Variants in AAK1 observed in about 807,000 individuals in gnomAD.
The protein encoded by AAK1 is AP2 associated kinase 1.
AAK1 carries 37 observed loss-of-function variants against 116.0 expected under a neutral mutation model. The ratio of observed to expected loss-of-function variants is 0.32; its 90% confidence interval spans 0.25 to 0.42. The LOEUF is 0.42. Ranked by LOEUF, AAK1 falls within the 10% of genes least tolerant of loss-of-function variation. The probability of loss-of-function intolerance (pLI) is 1.00; values close to 1 mark genes in which losing one functional copy is unlikely to be tolerated. For missense variants in AAK1, 919 were observed against 1,170.6 expected, an observed-to-expected ratio of 0.79 and a Z score of 3.14; for synonymous variants, 458 against 439.9, an observed-to-expected ratio of 1.04 and a Z score of -0.51.
chr2:69,458,229 T>TG lies in AAK1; in HGVS notation c.*17639dup, dbSNP rs1674260072. 6.6e-6 allele frequency: 1 copy of TG among 152,248 alleles called. No homozygotes were observed. Among genetic ancestry groups the TG allele is most frequent in the Admixed American group, 6.5e-5 (1 of 15,288 alleles). The allele number at this position is 152,248 out of a possible 1,614,324, so 9.4% of individuals were successfully genotyped here. On this transcript the variant is annotated 3_prime_UTR_variant, in exon 22 of 22. Coordinates refer to ENST00000409085, the MANE Select transcript of AAK1 (RefSeq NM_014911.5). ...GTGTACATTGTTTTCTGAGGCCTGATGACCTCAATACTCCTTCTGGCTGGA... is the reference window on the plus strand; with the variant it reads ...GTGTACATTGTTTTCTGAGGCCTGATGGACCTCAATACTCCTTCTGGCTGGA...
At chr2:69,613,784 T>C (rs1674197076) in intron 2 of AAK1, among the ~76,000 whole-genome samples, 1 of 152,240 alleles carries the variant, frequency 6.6e-6, no homozygotes, top group African/African-American at 2.4e-5. Context: ...TGTTCATTTG[T>C]ATCCTTTACA....
At chr2:69,519,495 C>T (rs964888274) in intron 11 of AAK1, among the ~76,000 whole-genome samples, 8 of 152,188 alleles carry the variant, frequency 5.3e-5, no homozygotes, top group African/African-American at 9.7e-5. Context: ...TATTAATCAT[C>T]CCATTTAGTC....
chr2:69,542,485 T>C, intron 5 of AAK1, 38 bp downstream of exon 5: 2 of 1,611,396 alleles, frequency 1.2e-6, no homozygotes, highest in Non-Finnish European at 1.7e-6. Context: ...CAGAAAATAT[T>C]GAGTAGAATG....
chr2:69,623,181 C>T (rs1464206299), intron 2 of AAK1, among the ~76,000 whole-genome samples: 1 of 152,160 alleles, frequency 6.6e-6, no homozygotes, highest in Non-Finnish European at 1.5e-5. Flanking sequence ...CACGAACCCA[C>T]CAGAAGGAAG....
rs879406349 is a variant in AAK1, at chr2:69,459,452, C to T, written c.*16417G>A. 4.6e-5 allele frequency: 7 copies of T among 152,228 alleles called. No individual in the cohort carries two copies. The highest frequency in any genetic ancestry group is 8.8e-5 in the Non-Finnish European group (6 of 68,196). 9.4% of individuals were successfully genotyped at this position (152,228 alleles called of 1,614,324 possible). On this transcript the variant is annotated 3_prime_UTR_variant, in exon 22 of 22. Transcript: ENST00000409085. ...CTAATTTTTGTATTTTTTGTAGAGA[C>T]AAGGTTTTGCCATGTTGCCCAGGTT...
chr2:69,534,245 T>C (rs942203602), intron 5 of AAK1, among the ~76,000 whole-genome samples: 3 of 152,204 alleles, frequency 2.0e-5, no homozygotes, highest in Non-Finnish European at 2.9e-5. Context: ...CAGCCAATAG[T>C]TGGTACAGCT....
chr2:69,522,453 C>T (rs1438708786), intron 10 of AAK1, among the ~76,000 whole-genome samples: 2 of 151,892 alleles, frequency 1.3e-5, no homozygotes, highest in African/African-American at 4.8e-5. Flanking sequence ...AGAACCTGGG[C>T]AAGGGATGTG....
intron 16 of AAK1, among the ~76,000 whole-genome samples, chr2:69,500,698 T>TATATATATATATATACAC: frequency 6.6e-4 from 43 of 65,076 alleles, no homozygotes; most frequent in Non-Finnish European, 8.1e-4. Context: ...TATATATATA[T>TATATATATATATATACAC]ACACACACAC....
At chr2:69,565,963 C>T (rs150574791) in intron 2 of AAK1, among the ~76,000 whole-genome samples, 7 of 146,718 alleles carry the variant, frequency 4.8e-5, no homozygotes, top group East Asian at 2.0e-4. Context: ...AGTGAGAGTT[C>T]GGGTACACTG....
At chr2:69,520,698 C>T in intron 11 of AAK1, 136 bp downstream of exon 11, 2 of 1,055,190 alleles carry the variant, frequency 1.9e-6, no homozygotes, top group Non-Finnish European at 2.6e-6. Flanking sequence ...CAGCTTCCTC[C>T]TGTTCCTCAA....
chr2:69,523,319 A>G (rs968334750), intron 10 of AAK1, among the ~76,000 whole-genome samples: 2 of 152,222 alleles, frequency 1.3e-5, no homozygotes, highest in African/African-American at 2.4e-5. Flanking sequence ...GAATTAGTGA[A>G]GGAAATGGAC....
chr2:69,624,020 G>T (rs1674786513), intron 2 of AAK1, among the ~76,000 whole-genome samples: 1 of 151,978 alleles, frequency 6.6e-6, no homozygotes, highest in African/African-American at 2.4e-5. Flanking sequence ...ATAAAAAACA[G>T]AGAGGGAGGG....
intron 18 of AAK1, 33 bp downstream of exon 18, chr2:69,482,678 G>T: frequency 6.6e-7 from 1 of 1,518,404 alleles, no homozygotes; most frequent in Non-Finnish European, 9.1e-7. Context: ...CACATATCAT[G>T]CATGACTGAA....
In AAK1 at chr2:69,612,203, TAGAG is replaced by T. The variant is rs151329902; in HGVS notation, c.163+30671_163+30674del. On this transcript the variant is annotated intron_variant, in intron 2 of 21. Transcript: ENST00000409085. The stretch of plus-strand genomic sequence containing the variant: ...ATATGGATTAAAGTATTTCATCTGT[TAGAG>T]AGAAAAAAAATAATGTGAATGTACT... Among the ~76,000 whole-genome samples the T allele has an allele frequency of 1.4e-3, 209 of 152,296 alleles. 1 individual carries two copies. Among genetic ancestry groups the T allele is most frequent in the African/African-American group, 4.8e-3 (201 of 41,548 alleles).
rs1674368204 is a variant in AAK1 at position 69,462,580 on chromosome 2, G to C, written c.*13289C>G. 6.6e-6 allele frequency: 1 copy of C among 151,908 alleles called. No homozygotes were observed. Among genetic ancestry groups the C allele is most frequent in the Admixed American group, 6.6e-5 (1 of 15,250 alleles). 9.4% of individuals were successfully genotyped at this position (151,908 alleles called of 1,614,324 possible). On this transcript the variant is annotated 3_prime_UTR_variant, in exon 22 of 22. Transcript: ENST00000409085. The stretch of plus-strand genomic sequence containing the variant: ...TATAATCCCAGCTACTCGGGAGGCT[G>C]AGGCAGAATCGCTTGAACTCGGAAA...
intron 17 of AAK1, among the ~76,000 whole-genome samples, chr2:69,487,979 T>C (rs1675368012): frequency 6.6e-6 from 1 of 151,924 alleles, no homozygotes; most frequent in African/African-American, 2.4e-5. Flanking sequence ...TTATTAGAAA[T>C]GGGGTTTCGC....
At chr2:69,588,238 C>A (rs1672874228) in intron 2 of AAK1, among the ~76,000 whole-genome samples, 1 of 152,224 alleles carries the variant, frequency 6.6e-6, no homozygotes, top group African/African-American at 2.4e-5. Flanking sequence ...GCACCCGGCA[C>A]ACATCTAAAC....
At chr2:69,612,872 GGTCAAAGTTAAA>G (rs1395673282) in intron 2 of AAK1, among the ~76,000 whole-genome samples, 1 of 152,132 alleles carries the variant, frequency 6.6e-6, no homozygotes, top group Non-Finnish European at 1.5e-5. Flanking sequence ...TTTATGTTTT[GGTCAAAGTTAAA>G]GTATTACCTG....
intron 2 of AAK1, among the ~76,000 whole-genome samples, chr2:69,575,493 G>C (rs907388168): frequency 2.7e-4 from 36 of 131,886 alleles, no homozygotes; most frequent in Middle Eastern, 4.5e-3. Context: ...TTTTGAGACA[G>C]AGTTTCACTC....
Sources: gnomAD v4.1 joint callset for allele counts (sites outside exome capture counted in the v4.1 genomes callset) on GRCh38, gnomAD v4.1.1 for gene constraint, MANE v1.5 for transcripts, NCBI Gene and HGNC (gene_info 2026-07-23, HGNC 2026-07-21) for gene names.